PPARGC1B: variants seen among roughly 807,000 people sequenced by gnomAD.
The protein encoded by PPARGC1B is peroxisome proliferator-activated receptor gamma coactivator 1-beta.
In PPARGC1B, 34 loss-of-function variants were observed where a neutral mutation model predicts 101.6. That is an observed-to-expected ratio of 0.33 (90% CI 0.25 to 0.45). The LOEUF (loss-of-function observed/expected upper bound fraction) is 0.45, where lower values mean the gene tolerates loss of function less well. Ranked by LOEUF, PPARGC1B falls within the 20% of genes least tolerant of loss-of-function variation. The pLI, the probability that PPARGC1B is intolerant of heterozygous loss-of-function variation, is 1.00. For missense variants in PPARGC1B, 1,234 were observed against 1,317.6 expected (o/e 0.94, Z 0.98); for synonymous variants, 548 against 539.3 (o/e 1.02, Z -0.22).
At position 149,833,396 on chromosome 5, in the gene PPARGC1B, G is replaced by T. The variant is rs1758894921; in HGVS notation, c.1323G>T (p.Glu441Asp). 1 of 1,610,332 alleles carries T rather than the reference G, an allele frequency of 6.2e-7. No individual in the cohort carries two copies. The highest frequency in any genetic ancestry group is 1.7e-5 in the Admixed American group (1 of 59,302). The stretch of plus-strand genomic sequence containing the variant: ...ACGAGGAAGAAGAGGAGGAGGAAGA[G>T]GAAGAAGAAAAAGAGGAGGAGGAGG... ...EEDEEEEEEE[E>D]EEEKEEEEEW... The change falls in exon 5 of 12, where the codon GAG becomes GAT. Residue 441 changes from glutamate (E) to aspartate (D), a missense_variant. This residue lies in a region of PPARGC1B where 734 missense variants were observed against 768.4 expected (regional missense o/e 0.96). Coordinates refer to ENST00000309241, the MANE Select transcript of PPARGC1B (RefSeq NM_133263.4). This position sits in a 1 kb window ranked among gnomAD's most constrained non-coding sequence, Gnocchi z 4.1.
At chr5:149,821,368 C>T (rs768006337) in intron 2 of PPARGC1B, among the ~76,000 whole-genome samples, 3 of 152,122 alleles carry the variant, frequency 2.0e-5, no homozygotes, top group Non-Finnish European at 1.5e-5. Flanking sequence ...AGGCCTCTTA[C>T]GGAATAATAT....
At chr5:149,753,533 TA>T (rs902277301) in intron 1 of PPARGC1B, among the ~76,000 whole-genome samples, 2 of 152,074 alleles carry the variant, frequency 1.3e-5, no homozygotes, top group East Asian at 1.9e-4. Context: ...TATTTTTAGT[TA>T]AAAAAATTTT....
chr5:149,733,909 A>G (rs1176092126), intron 1 of PPARGC1B, among the ~76,000 whole-genome samples: 1 of 152,242 alleles, frequency 6.6e-6, no homozygotes, highest in Non-Finnish European at 1.5e-5. Flanking sequence ...GTTAGAAAAT[A>G]CTGCCAAGCA....
chr5:149,779,413 A>G (rs1311993007), intron 1 of PPARGC1B, among the ~76,000 whole-genome samples: 1 of 152,154 alleles, frequency 6.6e-6, no homozygotes, highest in Non-Finnish European at 1.5e-5. Flanking sequence ...CCATCTTCAC[A>G]AAGTGTTGCT....
intron 1 of PPARGC1B, among the ~76,000 whole-genome samples, chr5:149,752,467 A>C (rs182359830): frequency 3.3e-5 from 5 of 152,370 alleles, no homozygotes; most frequent in African/African-American, 1.2e-4. Context: ...CTGTGGTTCA[A>C]TGTGAAAGAG....
At position 149,854,468 on chromosome 5, in the gene PPARGC1B, A is replaced by G. The variant is rs143960183; in HGVS notation, c.*6910A>G. 1.6e-4 allele frequency: 24 copies of G among 152,296 alleles called. No individual in the cohort carries two copies. Among genetic ancestry groups the G allele is most frequent in the African/African-American group, 5.5e-4 (23 of 41,560 alleles). The allele number at this position is 152,296 out of a possible 1,614,324, so 9.4% of individuals were successfully genotyped here. ...GAATTTCACCTACACAGAGGGACAC[A>G]TCTGCTTTGTTATTTATAATAGAAA... On this transcript the variant is annotated 3_prime_UTR_variant, in exon 12 of 12. Coordinates refer to ENST00000309241, the MANE Select transcript of PPARGC1B (RefSeq NM_133263.4).
intron 1 of PPARGC1B, among the ~76,000 whole-genome samples, chr5:149,731,382 A>G (rs1350547821): frequency 3.3e-5 from 5 of 151,916 alleles, no homozygotes; most frequent in African/African-American, 7.2e-5. Flanking sequence ...TGTTGCAAGC[A>G]TAAAGTTTGG....
chr5:149,831,770 T>C (rs1758792746), intron 4 of PPARGC1B, among the ~76,000 whole-genome samples: 1 of 152,282 alleles, frequency 6.6e-6, no homozygotes, highest in Middle Eastern at 3.4e-3. Context: ...AAAGCCCCAG[T>C]GTGGACAAGC....
At chr5:149,734,087 C>T (rs554842479) in intron 1 of PPARGC1B, among the ~76,000 whole-genome samples, 18 of 151,932 alleles carry the variant, frequency 1.2e-4, no homozygotes, top group African/African-American at 4.1e-4. Context: ...TTTGGGAGGC[C>T]GAGGCGGGTG....
intron 1 of PPARGC1B, among the ~76,000 whole-genome samples, chr5:149,784,813 T>C (rs1327782277): frequency 1.3e-5 from 2 of 151,986 alleles, no homozygotes; most frequent in African/African-American, 4.8e-5. Context: ...GTCATCCGCC[T>C]GCCTTGGCCT....
intron 1 of PPARGC1B, among the ~76,000 whole-genome samples, chr5:149,766,999 G>A (rs17711430): frequency 0.021 from 3,220 of 152,306 alleles, 54 homozygotes; most frequent in South Asian, 0.037. Flanking sequence ...CGAGGCTGTC[G>A]GAGATGAGGA....
chr5:149,743,564 C>T (rs753939311), intron 1 of PPARGC1B, among the ~76,000 whole-genome samples: 3 of 152,150 alleles, frequency 2.0e-5, no homozygotes, highest in Non-Finnish European at 4.4e-5. Flanking sequence ...CACTGTAGGC[C>T]CCCAATAAAT....
In PPARGC1B at chr5:149,730,994, T is replaced by G. The variant is rs1005888581; in HGVS notation, c.78+574T>G. 6.6e-6 allele frequency among the ~76,000 whole-genome samples: 1 copy of G among 152,234 alleles called. No individual in the cohort carries two copies. Among genetic ancestry groups the G allele is most frequent in the African/African-American group, 2.4e-5 (1 of 41,468 alleles). On this transcript the variant is annotated intron_variant, in intron 1 of 11. Transcript: ENST00000309241. The surrounding 1 kb of genome is among the most constrained non-coding windows in gnomAD (Gnocchi z 4.0). Reference sequence around the variant, plus strand: ...TAAGGGTCTGCGGGGCACGTGGACATGCGGGCGGAGACAGCGTCTTCCTGG... The same window carrying G: ...TAAGGGTCTGCGGGGCACGTGGACAGGCGGGCGGAGACAGCGTCTTCCTGG...
rs1485286626 is a variant in PPARGC1B, at chr5:149,851,791, A to G, written c.*4233A>G. On this transcript the variant is annotated 3_prime_UTR_variant, in exon 12 of 12. Coordinates refer to ENST00000309241, the MANE Select transcript of PPARGC1B (RefSeq NM_133263.4). ...GCTGCAGAGTTGGAAACCCACATGC[A>G]TGGATGTGTCCTTGGCCCAGAACCA... 1 of 152,296 alleles carries G rather than the reference A, an allele frequency of 6.6e-6. No homozygotes were observed. The highest frequency in any genetic ancestry group is 1.5e-5 in the Non-Finnish European group (1 of 68,080). The allele number at this position is 152,296 out of a possible 1,614,324, so 9.4% of individuals were successfully genotyped here.
chr5:149,755,615 GTTATTATTA>G (rs142788730), intron 1 of PPARGC1B, among the ~76,000 whole-genome samples: 462 of 137,142 alleles, frequency 3.4e-3, no homozygotes, highest in African/African-American at 9.9e-3. Context: ...TATTATTATT[GTTATTATTA>G]TTATTATTAT....
At chr5:149,787,634 C>CTT (rs1756863259) in intron 1 of PPARGC1B, among the ~76,000 whole-genome samples, 1 of 152,168 alleles carries the variant, frequency 6.6e-6, no homozygotes, top group East Asian at 1.9e-4. Context: ...GTCTGCTGAG[C>CTT]AGTTTCTTGG....
chr5:149,838,076 G>C (rs1475366939), intron 8 of PPARGC1B, among the ~76,000 whole-genome samples: 1 of 152,258 alleles, frequency 6.6e-6, no homozygotes, highest in East Asian at 1.9e-4. Context: ...TTTAGGTCTT[G>C]CGAAGATACC....
intron 1 of PPARGC1B, among the ~76,000 whole-genome samples, chr5:149,762,814 T>C (rs1356638336): frequency 1.3e-5 from 2 of 152,138 alleles, no homozygotes; most frequent in Admixed American, 1.3e-4. Flanking sequence ...TAGAGATGGG[T>C]CTCGCTCTGT....
chr5:149,816,681 G>A (rs1436325184), intron 1 of PPARGC1B, among the ~76,000 whole-genome samples: 9 of 152,294 alleles, frequency 5.9e-5, no homozygotes, highest in African/African-American at 2.2e-4. Context: ...GCCTACAAAG[G>A]TGGCTGCTCT....
Sources: allele counts gnomAD v4.1 joint callset (sites outside exome capture counted in the v4.1 genomes callset), GRCh38; gene constraint gnomAD v4.1.1; regional missense constraint gnomAD v4.1.1; non-coding constraint Gnocchi (gnomAD v3.1); transcripts MANE v1.5; gene names NCBI Gene and HGNC (gene_info 2026-07-23, HGNC 2026-07-21).